Variants in RILPL1 observed in about 807,000 individuals in gnomAD.
The protein encoded by RILPL1 is Rab interacting lysosomal protein like 1.
RILPL1 carries 33 observed loss-of-function variants against 50.3 expected under a neutral mutation model. The ratio of observed to expected loss-of-function variants is 0.66; its 90% CI spans 0.50 to 0.88. The LOEUF (loss-of-function observed/expected upper bound fraction) is 0.88. RILPL1 is among the 40% of genes least tolerant of loss of function. RILPL1 has a pLI of 0.00. For synonymous variants in RILPL1, 205 were observed against 228.6 expected, an observed-to-expected ratio of 0.90 and a Z score of 0.93; for missense variants, 418 against 542.5, an observed-to-expected ratio of 0.77 and a Z score of 2.28.
At chr12:123,480,456 C>T (rs897336815) in intron 6 of RILPL1, among the ~76,000 whole-genome samples, 1 of 152,022 alleles carries the variant, frequency 6.6e-6, no homozygotes, top group African/African-American at 2.4e-5. Flanking sequence ...CCACCGTGCC[C>T]GGCCTGAAAG....
At chr12:123,512,294 GTGTGGAGGTC>G in intron 2 of RILPL1, among the ~76,000 whole-genome samples, 1 of 636 alleles carries the variant, frequency 1.6e-3, no homozygotes, top group Admixed American at 0.014. Flanking sequence ...TGTGAGGTCT[GTGTGGAGGTC>G]TGTGTGTGGT....
At chr12:123,479,683 C>T (rs1881831619) in intron 6 of RILPL1, among the ~76,000 whole-genome samples, 3 of 152,170 alleles carry the variant, frequency 2.0e-5, no homozygotes, top group Admixed American at 2.0e-4. Context: ...CAGTTATCCC[C>T]CAGCAAGTGG....
chr12:123,531,434 T>G (rs1171718185), intron 1 of RILPL1, among the ~76,000 whole-genome samples: 2 of 152,132 alleles, frequency 1.3e-5, no homozygotes, highest in Non-Finnish European at 2.9e-5. Flanking sequence ...AGGACTTCTG[T>G]GTGATCTGGT....
At chr12:123,483,389 A>C (rs968122065) in intron 6 of RILPL1, among the ~76,000 whole-genome samples, 1 of 152,172 alleles carries the variant, frequency 6.6e-6, no homozygotes, top group African/African-American at 2.4e-5. Flanking sequence ...CCACCCCACA[A>C]CACCATGCTG....
chr12:123,503,798 G>A (rs1036950046), intron 2 of RILPL1, among the ~76,000 whole-genome samples: 3 of 151,654 alleles, frequency 2.0e-5, no homozygotes, highest in Admixed American at 1.3e-4. Flanking sequence ...TCAGGAGATC[G>A]AGACCATCCT....
intron 6 of RILPL1, among the ~76,000 whole-genome samples, chr12:123,480,381 C>G (rs1881887618): frequency 6.6e-6 from 1 of 151,930 alleles, no homozygotes; most frequent in Non-Finnish European, 1.5e-5. Flanking sequence ...CCACACTGGT[C>G]TCGAACTCCT....
Position 123,516,033 on chromosome 12 carries a change from C to CAAAAAAAAAAAAAAAAAAAAAA in RILPL1, c.460+7440_460+7461dup, listed in dbSNP as rs749657516. 1.1e-4 allele frequency among the ~76,000 whole-genome samples: 4 copies of CAAAAAAAAAAAAAAAAAAAAAA among 36,190 alleles called. 1 individual carries two copies. Among genetic ancestry groups the CAAAAAAAAAAAAAAAAAAAAAA allele is most frequent in the Non-Finnish European group, 2.1e-4 (4 of 18,648 alleles). 23.7% of individuals were successfully genotyped at this position (36,190 alleles called of 152,430 possible). A position where few individuals can be genotyped will look rare whatever the true frequency, so the allele number is the denominator to read the frequency against. On this transcript the variant is annotated intron_variant, in intron 2 of 6. Coordinates refer to ENST00000376874, the MANE Select transcript of RILPL1 (RefSeq NM_178314.5). ...TGGGCCACAGAGCGAGACTCTGTCT[C>CAAAAAAAAAAAAAAAAAAAAAA]AAAAAAAAAAAAAAAAAAAAAAAAA...
chr12:123,503,186 CTTTTTTTTTTTTTTTTTTTTTT>C (rs373514624), intron 2 of RILPL1, among the ~76,000 whole-genome samples: 6 of 80,736 alleles, frequency 7.4e-5, no homozygotes, highest in Admixed American at 1.4e-4. Context: ...CACGCCTGGC[CTTTTTTTTTTTTTTTTTTTTTT>C]TTTTTTTTTT....
intron 5 of RILPL1, 97 bp from the exon 6 acceptor site, chr12:123,484,369 A>G: frequency 1.2e-6 from 1 of 856,802 alleles, no homozygotes; most frequent in East Asian, 2.5e-5. Context: ...GAGAGGGTGC[A>G]TGCTTTTTAG....
intron 4 of RILPL1, among the ~76,000 whole-genome samples, chr12:123,490,434 C>T (rs1882615064): frequency 6.6e-6 from 1 of 152,166 alleles, no homozygotes; most frequent in Admixed American, 6.6e-5. Context: ...TCTGCTCACC[C>T]CTATTGGGTT....
At chr12:123,509,762 T>C (rs940036601) in intron 2 of RILPL1, among the ~76,000 whole-genome samples, 1 of 152,210 alleles carries the variant, frequency 6.6e-6, no homozygotes, top group Non-Finnish European at 1.5e-5. Flanking sequence ...TCCAGCGCCC[T>C]GCTGCCCACC....
chr12:123,490,179 T>A (rs75508112), intron 4 of RILPL1, among the ~76,000 whole-genome samples: 1 of 151,904 alleles, frequency 6.6e-6, no homozygotes, highest in Non-Finnish European at 1.5e-5. Flanking sequence ...GCCTTGCCTC[T>A]CCTGTGTCTC....
intron 6 of RILPL1, among the ~76,000 whole-genome samples, chr12:123,478,869 G>T (rs929568083): frequency 6.6e-6 from 1 of 152,254 alleles, no homozygotes; most frequent in Non-Finnish European, 1.5e-5. Context: ...CGAGGCTGAA[G>T]TCACTCCAGC....
intron 2 of RILPL1, among the ~76,000 whole-genome samples, chr12:123,511,221 G>A (rs1272455694): frequency 2.1e-5 from 3 of 141,614 alleles, no homozygotes; most frequent in Non-Finnish European, 3.1e-5. Context: ...TGTGTGTGTG[G>A]TGTGTCTGAG....
rs761684041 is a variant in RILPL1 at position 123,485,622 on chromosome 12, G to A, written c.974+11C>T. ...AGCCAGCTCGGGCCATCCAGCCCCA[G>A]GGACACTTGCCTCTTATAGTAAGCC... is the stretch of plus-strand genomic sequence containing the variant. On this transcript the variant is annotated intron_variant, in intron 5 of 6. Transcript: ENST00000376874. The surrounding 1 kb of genome is among the most constrained non-coding windows in gnomAD (Gnocchi z 4.0). 14 of 1,613,038 alleles carry A rather than the reference G, an allele frequency of 8.7e-6. No individual in the cohort carries two copies. Among genetic ancestry groups the A allele is most frequent in the Non-Finnish European group, 1.2e-5 (14 of 1,179,458 alleles).
chr12:123,532,636 G>T (rs1402252078), intron 1 of RILPL1, among the ~76,000 whole-genome samples: 3 of 142,904 alleles, frequency 2.1e-5, no homozygotes, highest in Non-Finnish European at 4.5e-5. Context: ...TTGCAAATAT[G>T]AACCCGAAGA....
intron 2 of RILPL1, among the ~76,000 whole-genome samples, chr12:123,515,966 G>A (rs1028989888): frequency 1.3e-5 from 2 of 148,956 alleles, no homozygotes; most frequent in African/African-American, 2.5e-5. Context: ...CCCAGAAGGC[G>A]GAGGTTGCAG....
At chr12:123,502,777 C>T (rs768083598) in intron 2 of RILPL1, among the ~76,000 whole-genome samples, 12 of 152,258 alleles carry the variant, frequency 7.9e-5, no homozygotes, top group African/African-American at 1.2e-4. Flanking sequence ...TATCCTAACA[C>T]ATCAGAAATT....
At chr12:123,513,176 TGTGA>T (rs779574741) in intron 2 of RILPL1, among the ~76,000 whole-genome samples, 1 of 151,744 alleles carries the variant, frequency 6.6e-6, no homozygotes, top group Non-Finnish European at 1.5e-5. Context: ...GTGTGGCGTG[TGTGA>T]GTGGGTGTAT....
Sources: gnomAD v4.1 joint callset for allele counts (sites outside exome capture counted in the v4.1 genomes callset) on GRCh38, gnomAD v4.1.1 for gene constraint, Gnocchi (gnomAD v3.1) non-coding constraint, MANE v1.5 for transcripts, NCBI Gene and HGNC (gene_info 2026-07-23, HGNC 2026-07-21) for gene names.